The following KANSL1L variants were observed in gnomAD, a reference collection of about 807,000 sequenced individuals.
KANSL1L encodes the protein KAT8 regulatory NSL complex subunit 1 like, also known as KAT8 regulatory NSL complex subunit 1-like protein.
In KANSL1L, 25 loss-of-function variants were observed where a neutral mutation model predicts 108.6. The observed-to-expected ratio is 0.23, with a 90% CI of 0.17 to 0.32. The LOEUF (loss-of-function observed/expected upper bound fraction) is 0.32, where lower values mean the gene tolerates loss of function less well. KANSL1L is among the 10% of genes least tolerant of loss of function. The pLI is 1.00. For missense variants in KANSL1L, 1,137 were observed against 1,125.7 expected (o/e 1.01, Z -0.14); for synonymous variants, 405 against 395.1 (o/e 1.03, Z -0.30).
intron 1 of KANSL1L, among the ~76,000 whole-genome samples, chr2:210,164,863 T>C (rs1455379793): frequency 1.3e-5 from 2 of 148,792 alleles, no homozygotes; most frequent in Non-Finnish European, 3.0e-5. Context: ...CTGTTTTTTT[T>C]TTTTTGTTTT....
chr2:210,129,274 CT>C, intron 2 of KANSL1L, 102 bp from the exon 3 acceptor site: 2 of 917,996 alleles, frequency 2.2e-6, no homozygotes, highest in Non-Finnish European at 1.6e-6. Flanking sequence ...AGCAAATTTC[CT>C]TTCTACAACA....
intron 3 of KANSL1L, among the ~76,000 whole-genome samples, chr2:210,105,393 G>A (rs1208601144): frequency 6.9e-6 from 1 of 145,078 alleles, no homozygotes; most frequent in African/African-American, 2.5e-5. Context: ...ATATATATTT[G>A]AAACATGCTA....
intron 1 of KANSL1L, among the ~76,000 whole-genome samples, chr2:210,159,963 G>A (rs2125667133): frequency 6.6e-6 from 1 of 152,346 alleles, no homozygotes; most frequent in Admixed American, 6.5e-5. Context: ...GTGAACCCGG[G>A]AGGTGGAGCT....
Position 210,027,301 on chromosome 2 carries a change from C to T in KANSL1L, c.2446G>A (p.Glu816Lys). ...TTAAATGAAAGGCAGCTTACCTCTT[C>T]TTTGCCTAAATTATATTCATCCAAA... ...QPLDEYNLGK[E>K]EIEDLSDEVF... Residue 816 changes from glutamate to lysine, a missense_variant, in exon 12 of 15, where the codon GAA (glutamate) becomes AAA (lysine). Around this residue, in one of 3 missense-constraint regions of KANSL1L, gnomAD observed 575 missense variants for 567.1 expected, o/e 1.01. Transcript: ENST00000281772. 1 of 1,609,270 alleles carries T rather than the reference C, an allele frequency of 6.2e-7. No individual in the cohort carries two copies. Among genetic ancestry groups the T allele is most frequent in the Non-Finnish European group, 8.5e-7 (1 of 1,175,730 alleles).
At chr2:210,150,047 G>A (rs936390571) in intron 2 of KANSL1L, among the ~76,000 whole-genome samples, 1 of 152,046 alleles carries the variant, frequency 6.6e-6, no homozygotes, top group South Asian at 2.1e-4. Flanking sequence ...TAAAATGCAG[G>A]TGGGGCTTTA....
At chr2:210,052,388 T>C (rs763397902) in intron 6 of KANSL1L, among the ~76,000 whole-genome samples, 2 of 152,204 alleles carry the variant, frequency 1.3e-5, no homozygotes, top group South Asian at 4.1e-4. Context: ...CTGGAAGTTA[T>C]TGTCTGTTCT....
At chr2:210,068,307 T>A (rs2094482265) in intron 6 of KANSL1L, among the ~76,000 whole-genome samples, 1 of 152,230 alleles carries the variant, frequency 6.6e-6, no homozygotes, top group Non-Finnish European at 1.5e-5. Flanking sequence ...TTGTTTTTTT[T>A]AGCCATTTAA....
At chr2:210,048,580 T>C (rs567264160) in intron 6 of KANSL1L, among the ~76,000 whole-genome samples, 3 of 152,276 alleles carry the variant, frequency 2.0e-5, no homozygotes, top group East Asian at 3.9e-4. Context: ...TGTATATATA[T>C]ATACACACAC....
In KANSL1L at chr2:210,154,621, T is replaced by C. The variant is rs2095323363; in HGVS notation, c.-29-10A>G. The stretch of plus-strand genomic sequence containing the variant: ...GATAAGTATTGGAAACCTACAATAA[T>C]GTAAAAATAAATGGTCAAATATCTA... On this transcript the variant is annotated splice_polypyrimidine_tract_variant and intron_variant, in intron 1 of 14. Transcript: ENST00000281772. 1 of 1,384,864 alleles carries C rather than the reference T, an allele frequency of 7.2e-7. No individual in the cohort carries two copies. Among genetic ancestry groups the C allele is most frequent in the Non-Finnish European group, 9.4e-7 (1 of 1,062,538 alleles). The allele number at this position is 1,384,864 out of a possible 1,614,324, so 85.8% of individuals were successfully genotyped here. A position where few individuals can be genotyped will look rare whatever the true frequency, so the allele number is the denominator to read the frequency against.
intron 13 of KANSL1L, 60 bp downstream of exon 13, chr2:210,025,044 C>T (rs559885185): frequency 1.1e-5 from 12 of 1,056,200 alleles, no homozygotes; most frequent in South Asian, 7.6e-5. Context: ...AAAATTCATG[C>T]AGAGGTTTTG....
intron 14 of KANSL1L, among the ~76,000 whole-genome samples, chr2:210,023,787 T>G (rs1451412321): frequency 6.6e-6 from 1 of 152,214 alleles, no homozygotes; most frequent in Non-Finnish European, 1.5e-5. Context: ...TGTTTCGTAA[T>G]GAAACTTTGA....
chr2:210,160,372 C>T (rs2095355519), intron 1 of KANSL1L, among the ~76,000 whole-genome samples: 1 of 151,954 alleles, frequency 6.6e-6, no homozygotes, highest in Non-Finnish European at 1.5e-5. Context: ...AAATAAAAAG[C>T]ACAGATTAGA....
chr2:210,084,517 A>C (rs1213731073), intron 5 of KANSL1L, among the ~76,000 whole-genome samples: 1 of 152,238 alleles, frequency 6.6e-6, no homozygotes, highest in African/African-American at 2.4e-5. Context: ...TTAACTGAAA[A>C]AGATATAAAA....
chr2:210,023,266 G>A, intron 14 of KANSL1L, 87 bp from the exon 15 acceptor site: 1 of 875,594 alleles, frequency 1.1e-6, no homozygotes, highest in Non-Finnish European at 1.8e-6. Flanking sequence ...TGTCTATATT[G>A]TAATAATTGT....
chr2:210,099,723 C>T (rs1245039035), intron 4 of KANSL1L, among the ~76,000 whole-genome samples: 3 of 152,034 alleles, frequency 2.0e-5, no homozygotes, highest in East Asian at 3.9e-4. Flanking sequence ...CACTGGACGT[C>T]GCTAATTGGA....
chr2:210,092,103 T>C (rs1403594617), intron 5 of KANSL1L, among the ~76,000 whole-genome samples: 1 of 152,198 alleles, frequency 6.6e-6, no homozygotes, highest in Admixed American at 6.5e-5. Flanking sequence ...ATTCCATTTA[T>C]CTTTGTTTTT....
chr2:210,040,589 G>T, intron 7 of KANSL1L, 62 bp from the exon 8 acceptor site: 1 of 675,998 alleles, frequency 1.5e-6, no homozygotes, highest in Non-Finnish European at 2.4e-6. Flanking sequence ...TAGGATTACA[G>T]ATTGTAACAT....
At position 210,029,732 on chromosome 2, in the gene KANSL1L, T is replaced by A. The variant is rs938078360; in HGVS notation, c.2271+71A>T. ...AAGGCTGTTATAGATTAGCAAAATA[T>A]AAATTATTTTCAAAATCAGGTGTTT... On this transcript the variant is annotated intron_variant, in intron 10 of 14. Coordinates refer to ENST00000281772, the MANE Select transcript of KANSL1L (RefSeq NM_152519.4). 4.0e-6 allele frequency: 3 copies of A among 758,272 alleles called. No individual in the cohort carries two copies. The Admixed American group carries it at 6.8e-5, about 17-fold the overall frequency. 47.0% of individuals were successfully genotyped at this position (758,272 alleles called of 1,614,324 possible). A position where few individuals can be genotyped will look rare whatever the true frequency, so the allele number is the denominator to read the frequency against.
At chr2:210,065,547 T>C (rs2094459696) in intron 6 of KANSL1L, among the ~76,000 whole-genome samples, 1 of 151,438 alleles carries the variant, frequency 6.6e-6, no homozygotes, top group South Asian at 2.1e-4. Context: ...CAGAAAGGTT[T>C]GTCTACCTCT....
Sources: allele counts gnomAD v4.1 joint callset (sites outside exome capture counted in the v4.1 genomes callset), GRCh38; gene constraint gnomAD v4.1.1; regional missense constraint gnomAD v4.1.1; transcripts MANE v1.5; gene names NCBI Gene and HGNC (gene_info 2026-07-23, HGNC 2026-07-21).